H2BC18: variants seen among roughly 807,000 people sequenced by gnomAD.
The protein encoded by H2BC18 is H2B clustered histone 18, also known as histone H2B type 2-F.
In H2BC18, 8 loss-of-function variants were observed where a neutral mutation model predicts 6.3. The observed-to-expected ratio is 1.28, with a 90% CI of 0.75 to 2.31. The LOEUF is 2.31. H2BC18 is among the 30% of genes most tolerant of loss of function. The probability of loss-of-function intolerance (pLI) is 0.00; values close to 1 mark genes in which losing one functional copy is unlikely to be tolerated. For synonymous variants in H2BC18, 104 were observed against 78.1 expected (o/e 1.33, Z -1.75); for missense variants, 106 against 174.5 (o/e 0.61, Z 2.21).
At chr1:149,803,860 G>C (rs1272558475) in intron 1 of H2BC18, 1 of 152,196 alleles carries the variant, frequency 6.6e-6, no homozygotes, top group Non-Finnish European at 1.5e-5. Flanking sequence ...TTTCTTGTTT[G>C]CCACTCTTTG....
intron 1 of H2BC18, among the ~76,000 whole-genome samples, chr1:149,784,809 A>G (rs1823497): frequency 2.6e-5 from 4 of 151,256 alleles, no homozygotes; most frequent in Non-Finnish European, 5.9e-5. Context: ...AAAATACCTT[A>G]AAGTTCTGTT....
At chr1:149,808,898 C>T (rs1451720135), downstream of H2BC18, among the ~76,000 whole-genome samples, 10 of 151,648 alleles carry the variant, frequency 6.6e-5, no homozygotes, top group East Asian at 1.9e-3. Flanking sequence ...GTACTTATTT[C>T]CCATCTGTTG....
intron 1 of H2BC18, chr1:149,790,243 C>T: frequency 6.2e-7 from 1 of 1,609,142 alleles, no homozygotes; most frequent in Non-Finnish European, 8.5e-7. Flanking sequence ...ATACTAACTG[C>T]TAGAAGAGAA....
At chr1:149,790,449 T>G (rs1388717737) in intron 1 of H2BC18, 294 of 1,531,658 alleles carry the variant, frequency 1.9e-4, no homozygotes, top group Non-Finnish European at 2.5e-4. Flanking sequence ...GGAAAGTCTC[T>G]TCAGGAAAAG....
At chr1:149,801,210 CAT>C (rs1419892044) in intron 1 of H2BC18, among the ~76,000 whole-genome samples, 1 of 151,982 alleles carries the variant, frequency 6.6e-6, no homozygotes, top group African/African-American at 2.4e-5. Context: ...GGTTCCAAAA[CAT>C]GTGGATCATT....
At chr1:149,784,040 G>A in intron 1 of H2BC18, 1 of 1,609,356 alleles carries the variant, frequency 6.2e-7, no homozygotes. Flanking sequence ...AGCCTCCATG[G>A]GTCAGCGTGT....
At chr1:149,787,327 T>C (rs2091579040) in intron 1 of H2BC18, 1 of 152,194 alleles carries the variant, frequency 6.6e-6, no homozygotes, top group South Asian at 2.1e-4. Context: ...AGAACCCCAT[T>C]TTTACTTAGC....
chr1:149,808,214 T>G (rs2091940864), downstream of H2BC18, among the ~76,000 whole-genome samples: 1 of 152,118 alleles, frequency 6.6e-6, no homozygotes, highest in Non-Finnish European at 1.5e-5. Context: ...AACTAAAACT[T>G]AAAAAATAAT....
intron 1 of H2BC18, chr1:149,789,918 G>A (rs1404232836): frequency 1.2e-5 from 18 of 1,556,128 alleles, no homozygotes; most frequent in Non-Finnish European, 1.2e-5. Context: ...GCTCTCTGCT[G>A]GAAGTAAAAA....
intron 1 of H2BC18, among the ~76,000 whole-genome samples, chr1:149,803,145 G>A (rs1217512617): frequency 6.6e-6 from 1 of 152,040 alleles, no homozygotes; most frequent in Non-Finnish European, 1.5e-5. Context: ...CCCTTGCCCA[G>A]GATCGTATCT....
intron 1 of H2BC18, chr1:149,792,387 T>C: frequency 2.6e-6 from 1 of 383,424 alleles, no homozygotes; most frequent in Non-Finnish European, 4.1e-6. Context: ...GATACGCTGC[T>C]CTCATACTTG....
At chr1:149,792,109 ATG>A (rs1372207010) in intron 1 of H2BC18, 1 of 154,672 alleles carries the variant, frequency 6.5e-6, no homozygotes, top group Non-Finnish European at 1.4e-5. Flanking sequence ...TGAGAAATGG[ATG>A]TGTTATTCTT....
chr1:149,794,469 AT>A lies in H2BC18; in HGVS notation c.378-11210del, dbSNP rs1215093075. 3.1e-5 allele frequency among the ~76,000 whole-genome samples: 4 copies of A among 130,606 alleles called. 1 individual carries two copies. The highest frequency in any genetic ancestry group is 1.2e-4 in the African/African-American group (4 of 32,948). The allele number at this position is 130,606 out of a possible 152,430, so 85.7% of individuals were successfully genotyped here. A position where few individuals can be genotyped will look rare whatever the true frequency, so the allele number is the denominator to read the frequency against. On this transcript the variant is annotated intron_variant, in intron 1 of 1. Transcript: ENST00000545683. ...GAAGAATCCTAGACTAGAGATACAA[AT>A]TTGCCAATCATCATATAGATGTGGT...
chr1:149,784,059 G>A, intron 1 of H2BC18: 1 of 1,610,748 alleles, frequency 6.2e-7, no homozygotes, highest in African/African-American at 1.3e-5. Context: ...GTTCCAAGAG[G>A]AAACCGTAAC....
At chr1:149,806,055 CT>C (rs2091914136) in intron 1 of H2BC18, among the ~76,000 whole-genome samples, 1 of 152,090 alleles carries the variant, frequency 6.6e-6, no homozygotes, top group Non-Finnish European at 1.5e-5. Flanking sequence ...CATACATATT[CT>C]TTTTTAGGGC....
chr1:149,786,048 G>C (rs1215030072), intron 1 of H2BC18: 1 of 151,938 alleles, frequency 6.6e-6, no homozygotes, highest in Non-Finnish European at 1.5e-5. Flanking sequence ...TTCTGGTTTT[G>C]ACCACTTACA....
At chr1:149,784,135 C>G in intron 1 of H2BC18, 1 of 1,611,778 alleles carries the variant, frequency 6.2e-7, no homozygotes, top group African/African-American at 1.3e-5. Flanking sequence ...AATGGCACAG[C>G]CACTCAGACC....
At chr1:149,802,115 C>T (rs1553753432) in intron 1 of H2BC18, among the ~76,000 whole-genome samples, 2 of 152,064 alleles carry the variant, frequency 1.3e-5, no homozygotes, top group Non-Finnish European at 2.9e-5. Context: ...TTCAGGGGGG[C>T]AGGCGGGAGT....
chr1:149,809,439 G>A (rs1553754201), downstream of H2BC18, among the ~76,000 whole-genome samples: 1 of 151,744 alleles, frequency 6.6e-6, no homozygotes, highest in East Asian at 1.9e-4. Context: ...CATAGTAAAG[G>A]AGTAAGAAAA....
Sources: gnomAD v4.1 joint callset for allele counts (sites outside exome capture counted in the v4.1 genomes callset) on GRCh38, gnomAD v4.1.1 for gene constraint, MANE v1.5 for transcripts, NCBI Gene and HGNC (gene_info 2026-07-23, HGNC 2026-07-21) for gene names.